RAB20: variants seen among roughly 807,000 people sequenced by gnomAD.
RAB20 encodes ras-related protein Rab-20.
A neutral mutation model predicts 3.7 loss-of-function variants in RAB20; 2 were observed. The observed-to-expected ratio is 0.54, with a 90% confidence interval of 0.22 to 1.69. The LOEUF is 1.69. Ranked by LOEUF, RAB20 falls within the 40% of genes most tolerant of loss-of-function variation. The pLI, the probability that RAB20 is intolerant of heterozygous loss-of-function variation, is 0.19. For missense variants in RAB20, 276 were observed against 311.9 expected, an observed-to-expected ratio of 0.88 and a Z score of 0.87; for synonymous variants, 126 against 130.8, an observed-to-expected ratio of 0.96 and a Z score of 0.25.
chr13:110,537,644 C>G (rs34596419), intron 1 of RAB20, among the ~76,000 whole-genome samples: 3,280 of 151,800 alleles, frequency 0.022, 53 homozygotes, highest in Middle Eastern at 0.041. Context: ...AGAACAGGGC[C>G]AGGCGCTGAC....
intron 1 of RAB20, among the ~76,000 whole-genome samples, chr13:110,528,200 T>TGAGTTCGG (rs1035109669): frequency 3.3e-5 from 5 of 151,892 alleles, no homozygotes; most frequent in African/African-American, 1.2e-4. Context: ...GCGGATCACC[T>TGAGTTCGG]GAGTTCGGGA....
intron 1 of RAB20, among the ~76,000 whole-genome samples, chr13:110,544,200 C>G (rs1170045483): frequency 2.0e-5 from 3 of 152,196 alleles, no homozygotes; most frequent in Admixed American, 6.5e-5. Flanking sequence ...GATCAACTAA[C>G]AGTAAACGTG....
At chr13:110,534,270 C>T (rs944183644) in intron 1 of RAB20, among the ~76,000 whole-genome samples, 1 of 152,190 alleles carries the variant, frequency 6.6e-6, no homozygotes, top group South Asian at 2.1e-4. Flanking sequence ...AGCTCACACA[C>T]CCTCTGTCAG....
intron 1 of RAB20, among the ~76,000 whole-genome samples, chr13:110,549,888 TA>T (rs918938236): frequency 1.3e-5 from 2 of 152,074 alleles, no homozygotes; most frequent in African/African-American, 2.4e-5. Flanking sequence ...CAAGCGCAGC[TA>T]ATTTTTGTAT....
chr13:110,537,845 G>C (rs912945), intron 1 of RAB20, among the ~76,000 whole-genome samples: 143,205 of 152,192 alleles, frequency 0.94, 67,453 homozygotes, highest in African/African-American at 0.98. Flanking sequence ...CCCAGTCACA[G>C]GGGCCCTGGT....
chr13:110,548,252 G>C (rs1884888723), intron 1 of RAB20, among the ~76,000 whole-genome samples: 1 of 152,192 alleles, frequency 6.6e-6, no homozygotes, highest in Non-Finnish European at 1.5e-5. Context: ...GGGAGGCCCA[G>C]GTGGGCAGAT....
chr13:110,552,956 C>T (rs1277532930), intron 1 of RAB20, among the ~76,000 whole-genome samples: 4 of 152,210 alleles, frequency 2.6e-5, no homozygotes, highest in South Asian at 2.1e-4. Context: ...GCACACTGCT[C>T]GCAAGCGGCC....
chr13:110,553,186 C>T (rs1884986182), intron 1 of RAB20, among the ~76,000 whole-genome samples: 1 of 152,176 alleles, frequency 6.6e-6, no homozygotes, highest in Admixed American at 6.5e-5. Context: ...CCACATGTGC[C>T]TGGGGTTTTG....
Position 110,541,816 on chromosome 13 carries a change from C to CCACACACACACA in RAB20, c.173-17631_173-17620dup, listed in dbSNP as rs10624545. On this transcript the variant is annotated intron_variant, in intron 1 of 1. Coordinates refer to ENST00000267328, the MANE Select transcript of RAB20 (RefSeq NM_017817.3). Reference sequence around the variant, plus strand: ...TTCAAGTGCCAGGCGGAGTGTCCAGCCACACACACACACACACACACACAC... The same window carrying CCACACACACACA: ...TTCAAGTGCCAGGCGGAGTGTCCAGCCACACACACACACACACACACACACACACACACACAC... Among the ~76,000 whole-genome samples the CCACACACACACA allele has an allele frequency of 5.9e-3, 889 of 149,524 alleles. 6 individuals are homozygous for CCACACACACACA. The highest frequency in any genetic ancestry group is 0.021 in the South Asian group (99 of 4,690).
intron 1 of RAB20, among the ~76,000 whole-genome samples, chr13:110,559,194 G>A (rs1750013302): frequency 6.6e-6 from 1 of 152,008 alleles, no homozygotes; most frequent in South Asian, 2.1e-4. Flanking sequence ...ACATCCTGTC[G>A]CCCTCTGCAC....
chr13:110,551,905 A>AC (rs1433119024), intron 1 of RAB20, among the ~76,000 whole-genome samples: 4 of 109,296 alleles, frequency 3.7e-5, no homozygotes, highest in African/African-American at 1.4e-4. Flanking sequence ...ACATACTGAG[A>AC]CCCCTGTCTC....
chr13:110,525,410 G>A (rs1750226), intron 1 of RAB20, among the ~76,000 whole-genome samples: 6,423 of 152,282 alleles, frequency 0.042, 421 homozygotes, highest in African/African-American at 0.14. Context: ...CTGCACATCC[G>A]TACTGTTCTG....
At chr13:110,542,412 T>G (rs1884779524) in intron 1 of RAB20, among the ~76,000 whole-genome samples, 1 of 152,184 alleles carries the variant, frequency 6.6e-6, no homozygotes, top group Non-Finnish European at 1.5e-5. Flanking sequence ...GGCTCTACAT[T>G]AGACCTCCAG....
chr13:110,558,074 C>T (rs930068573), intron 1 of RAB20, among the ~76,000 whole-genome samples: 7 of 152,248 alleles, frequency 4.6e-5, no homozygotes, highest in African/African-American at 1.4e-4. Context: ...AAACAGTGCC[C>T]GGCACCGGGG....
chr13:110,548,053 A>C (rs144474419), intron 1 of RAB20, among the ~76,000 whole-genome samples: 38 of 152,368 alleles, frequency 2.5e-4, no homozygotes, highest in African/African-American at 7.7e-4. Context: ...TAGTAATAAA[A>C]TTGAGAATTT....
chr13:110,559,009 G>A (rs1454343660), intron 1 of RAB20, among the ~76,000 whole-genome samples: 2 of 152,074 alleles, frequency 1.3e-5, no homozygotes, highest in Non-Finnish European at 2.9e-5. Context: ...TCTTTAACAT[G>A]CAAATAATCA....
rs142447868 is a variant in RAB20, at chr13:110,537,137, C to T, written c.173-12940G>A. ...CTGGGACTACAGGCTCACGCCACTA[C>T]GCCTGGGTAATTTTTATTTTTATTT... is the stretch of plus-strand genomic sequence containing the variant. On this transcript the variant is annotated intron_variant, in intron 1 of 1. Coordinates refer to ENST00000267328, the MANE Select transcript of RAB20 (RefSeq NM_017817.3). Among the ~76,000 whole-genome samples, 122 of 151,864 alleles carry T rather than the reference C, an allele frequency of 8.0e-4. 2 individuals carry two copies. Among genetic ancestry groups the T allele is most frequent in the East Asian group, 4.8e-3 (25 of 5,156 alleles).
At chr13:110,558,380 C>CTT (rs34187531) in intron 1 of RAB20, among the ~76,000 whole-genome samples, 74,158 of 119,016 alleles carry the variant, frequency 0.62, 23,557 homozygotes, top group South Asian at 0.76. Flanking sequence ...TGTCTTCCCA[C>CTT]TTTTTTTTTT....
intron 1 of RAB20, among the ~76,000 whole-genome samples, chr13:110,546,027 G>A (rs1395618669): frequency 3.3e-5 from 5 of 152,024 alleles, no homozygotes; most frequent in Non-Finnish European, 7.3e-5. Context: ...TCCAACCAGA[G>A]CCATTCCAAT....
Sources: allele counts gnomAD v4.1 joint callset (sites outside exome capture counted in the v4.1 genomes callset), GRCh38; gene constraint gnomAD v4.1.1; transcripts MANE v1.5; gene names NCBI Gene and HGNC (gene_info 2026-07-23, HGNC 2026-07-21).